VPS8: variants seen among roughly 807,000 people sequenced by gnomAD.
VPS8 encodes the protein VPS8 subunit of CORVET complex.
Under a neutral mutation model 216.4 loss-of-function variants are expected in VPS8, and 129 were observed. That is an observed-to-expected ratio of 0.60 (90% CI 0.52 to 0.69). VPS8 has a LOEUF of 0.69. VPS8 is among the 30% of genes least tolerant of loss of function. The pLI is 0.00. For missense variants in VPS8, 1,531 were observed against 1,683.5 expected, an observed-to-expected ratio of 0.91 and a Z score of 1.59; for synonymous variants, 571 against 565.4, an observed-to-expected ratio of 1.01 and a Z score of -0.14.
intron 46 of VPS8, among the ~76,000 whole-genome samples, chr3:185,036,895 C>T (rs528213537): frequency 5.3e-5 from 8 of 151,962 alleles, no homozygotes; most frequent in Non-Finnish European, 1.0e-4. Context: ...TTTTCACCCA[C>T]CTCCTTTGTG....
intron 43 of VPS8, among the ~76,000 whole-genome samples, chr3:184,994,527 A>G (rs1752363849): frequency 6.6e-6 from 1 of 150,644 alleles, no homozygotes; most frequent in Non-Finnish European, 1.5e-5. Flanking sequence ...TAATTTGTGT[A>G]CACACACACA....
intron 7 of VPS8, among the ~76,000 whole-genome samples, chr3:184,842,900 C>A (rs552937774): frequency 6.6e-6 from 1 of 151,724 alleles, no homozygotes; most frequent in Non-Finnish European, 1.5e-5. Context: ...AAAGATGTTT[C>A]CCCATCCCAG....
At chr3:185,034,622 T>A (rs1758629749) in intron 46 of VPS8, among the ~76,000 whole-genome samples, 1 of 152,012 alleles carries the variant, frequency 6.6e-6, no homozygotes, top group African/African-American at 2.4e-5. Flanking sequence ...GTTGTTGTTG[T>A]TGTTGTTGTT....
chr3:184,987,712 T>A (rs544434842), intron 42 of VPS8, among the ~76,000 whole-genome samples: 5 of 152,206 alleles, frequency 3.3e-5, no homozygotes, highest in Non-Finnish European at 4.4e-5. Context: ...AGGCTTTTTG[T>A]GTGGACTTAA....
intron 21 of VPS8, among the ~76,000 whole-genome samples, chr3:184,881,540 T>C (rs1409757420): frequency 6.6e-6 from 1 of 152,156 alleles, no homozygotes; most frequent in African/African-American, 2.4e-5. Flanking sequence ...TACCACATAA[T>C]CTTGATAACT....
intron 47 of VPS8, among the ~76,000 whole-genome samples, chr3:185,049,491 G>T (rs188963189): frequency 1.3e-5 from 2 of 152,024 alleles, no homozygotes; most frequent in Non-Finnish European, 2.9e-5. Context: ...CCACTACCCC[G>T]GGTGGGGCCT....
At chr3:184,956,155 C>A (rs922861775) in intron 36 of VPS8, among the ~76,000 whole-genome samples, 1 of 152,142 alleles carries the variant, frequency 6.6e-6, no homozygotes, top group Non-Finnish European at 1.5e-5. Context: ...GTCTCTTTTT[C>A]TTTGACCCAA....
At chr3:184,951,464 GA>G (rs1744689427) in intron 36 of VPS8, among the ~76,000 whole-genome samples, 1 of 150,010 alleles carries the variant, frequency 6.7e-6, no homozygotes, top group Non-Finnish European at 1.5e-5. Flanking sequence ...CAGCCAGGAC[GA>G]CAGAGTGAGA....
chr3:185,000,550 T>C (rs1211147459), intron 45 of VPS8, among the ~76,000 whole-genome samples: 1 of 152,270 alleles, frequency 6.6e-6, no homozygotes. Flanking sequence ...TATCCTATAG[T>C]TGGCCTTCAC....
chr3:184,990,990 T>G (rs963619868), intron 42 of VPS8, among the ~76,000 whole-genome samples: 6 of 152,116 alleles, frequency 3.9e-5, no homozygotes, highest in African/African-American at 1.4e-4. Context: ...ATTTTTGTTA[T>G]ATACATTCTA....
At chr3:184,827,509 T>A (rs1719043689) in intron 3 of VPS8, among the ~76,000 whole-genome samples, 1 of 152,208 alleles carries the variant, frequency 6.6e-6, no homozygotes, top group African/African-American at 2.4e-5. Flanking sequence ...GAAGATTAAT[T>A]TTAGTCAGTT....
chr3:184,821,430 G>A (rs1717564101), intron 1 of VPS8, among the ~76,000 whole-genome samples: 1 of 151,494 alleles, frequency 6.6e-6, no homozygotes, highest in African/African-American at 2.4e-5. Flanking sequence ...TGCATCCTCC[G>A]CCTCCCGGGT....
At chr3:184,903,081 A>G (rs925869503) in intron 25 of VPS8, among the ~76,000 whole-genome samples, 1 of 152,162 alleles carries the variant, frequency 6.6e-6, no homozygotes, top group African/African-American at 2.4e-5. Flanking sequence ...ACCTTTATGA[A>G]AAGTCAAGTG....
At chr3:184,996,291 T>C (rs2109869765) in intron 43 of VPS8, 41 bp from the exon 44 acceptor site, 3 of 1,559,226 alleles carry the variant, frequency 1.9e-6, no homozygotes, top group South Asian at 2.4e-5. Context: ...TTTCATCTTA[T>C]AACCTTTTGT....
chr3:184,936,446 C>T (rs1741638490), intron 35 of VPS8, 111 bp downstream of exon 35: 2 of 1,039,836 alleles, frequency 1.9e-6, no homozygotes, highest in South Asian at 1.5e-5. Flanking sequence ...CATTTATTAG[C>T]AGTTTCTATT....
chr3:184,840,753 T>G lies in VPS8; in HGVS notation c.535+1001T>G, dbSNP rs1721986789. Among the ~76,000 whole-genome samples, 6 of 152,026 alleles carry G rather than the reference T, an allele frequency of 3.9e-5. No individual in the cohort carries two copies. In the South Asian group the frequency reaches 1.2e-3, roughly 32 times the overall value. On this transcript the variant is annotated intron_variant, in intron 7 of 47. Transcript: ENST00000625842. The stretch of plus-strand genomic sequence containing the variant: ...TAATAAACAAAAAACTATTAGTTTT[T>G]TTGGGGGGGGTCATTTTTAGTGTTC...
chr3:184,943,450 G>A lies in VPS8; in HGVS notation c.3035+3207G>A, dbSNP rs115128148. Among the ~76,000 whole-genome samples the A allele has an allele frequency of 2.7e-3, 412 of 152,292 alleles. 1 individual carries two copies. Among genetic ancestry groups the A allele is most frequent in the Middle Eastern group, 0.01 (3 of 294 alleles). ...AACTAACCTAAAGTAAAGGATTAGA[G>A]TCTTTTCAGGTACTGGGAAAACTGA... On this transcript the variant is annotated intron_variant, in intron 36 of 47. Coordinates refer to ENST00000625842, the MANE Select transcript of VPS8 (RefSeq NM_001009921.3).
At chr3:184,832,588 G>T in intron 3 of VPS8, 101 bp from the exon 4 acceptor site, 1 of 1,060,508 alleles carries the variant, frequency 9.4e-7, no homozygotes. Flanking sequence ...GCGAAAAGCA[G>T]AAATAAGCAC....
intron 2 of VPS8, among the ~76,000 whole-genome samples, chr3:184,825,685 T>A (rs1276447291): frequency 6.6e-6 from 1 of 152,144 alleles, no homozygotes; most frequent in Admixed American, 6.6e-5. Flanking sequence ...GTGGATCACT[T>A]GAGGTCAGGA....
Sources: allele counts gnomAD v4.1 joint callset (sites outside exome capture counted in the v4.1 genomes callset), GRCh38; gene constraint gnomAD v4.1.1; transcripts MANE v1.5; gene names NCBI Gene and HGNC (gene_info 2026-07-23, HGNC 2026-07-21).